MAN2A1: variants seen among roughly 807,000 people sequenced by gnomAD.
The protein encoded by MAN2A1 is mannosidase alpha class 2A member 1, also known as alpha-mannosidase 2.
A neutral mutation model predicts 142.6 loss-of-function variants in MAN2A1; 76 were observed. That is an observed-to-expected ratio of 0.53 (90% CI 0.44 to 0.65). MAN2A1 has a LOEUF of 0.65. Ranked by LOEUF, MAN2A1 falls within the 30% of genes least tolerant of loss-of-function variation. MAN2A1 has a pLI of 0.00. For synonymous variants in MAN2A1, 559 were observed against 473.2 expected, an observed-to-expected ratio of 1.18 and a Z score of -2.35; for missense variants, 1,311 against 1,365.1, an observed-to-expected ratio of 0.96 and a Z score of 0.62.
chr5:109,865,902 A>C (rs1350351009), intron 21 of MAN2A1, among the ~76,000 whole-genome samples: 1 of 152,216 alleles, frequency 6.6e-6, no homozygotes, highest in Non-Finnish European at 1.5e-5. Context: ...GGGCTGATTT[A>C]GGTACACAGG....
At chr5:109,734,387 G>C (rs9716397) in intron 4 of MAN2A1, among the ~76,000 whole-genome samples, 110,506 of 151,234 alleles carry the variant, frequency 0.73, 41,641 homozygotes, top group East Asian at 0.94. Context: ...CTGCTCTGAT[G>C]TTAGTTATTT....
chr5:109,695,572 C>G (rs1750789353), intron 1 of MAN2A1, among the ~76,000 whole-genome samples: 1 of 152,122 alleles, frequency 6.6e-6, no homozygotes, highest in Admixed American at 6.5e-5. Context: ...TTAGTTTTCC[C>G]TTGTTCTCCA....
intron 6 of MAN2A1, among the ~76,000 whole-genome samples, chr5:109,769,716 T>C (rs1753089448): frequency 6.6e-6 from 1 of 152,226 alleles, no homozygotes; most frequent in Non-Finnish European, 1.5e-5. Context: ...TTTTGAAAAT[T>C]ACTTTTTCTT....
chr5:109,833,693 GA>G (rs1200600050), intron 16 of MAN2A1, among the ~76,000 whole-genome samples: 39 of 149,460 alleles, frequency 2.6e-4, no homozygotes, highest in African/African-American at 9.2e-4. Flanking sequence ...AGACTGTGGG[GA>G]GGGGGAGGGG....
At chr5:109,832,964 G>C (rs1231082801) in intron 16 of MAN2A1, among the ~76,000 whole-genome samples, 1 of 151,834 alleles carries the variant, frequency 6.6e-6, no homozygotes, top group African/African-American at 2.4e-5. Context: ...GGTGGCGGTC[G>C]GGCACAGACA....
At chr5:109,705,475 C>G (rs1217561613) in intron 1 of MAN2A1, among the ~76,000 whole-genome samples, 4 of 152,160 alleles carry the variant, frequency 2.6e-5, no homozygotes, top group Admixed American at 1.3e-4. Context: ...CGGCCTCACC[C>G]TCCATTGCTT....
At chr5:109,768,702 C>G (rs1753058875) in intron 6 of MAN2A1, among the ~76,000 whole-genome samples, 1 of 152,068 alleles carries the variant, frequency 6.6e-6, no homozygotes, top group African/African-American at 2.4e-5. Flanking sequence ...CTTATATGTA[C>G]TCCTGTTTTT....
chr5:109,757,215 C>T (rs1206768606), intron 5 of MAN2A1, among the ~76,000 whole-genome samples: 19 of 152,002 alleles, frequency 1.2e-4, no homozygotes. Context: ...GTCTTGGGGA[C>T]CCTCTCTACA....
chr5:109,819,290 G>A (rs1406331545), intron 13 of MAN2A1, among the ~76,000 whole-genome samples: 1 of 152,072 alleles, frequency 6.6e-6, no homozygotes, highest in Non-Finnish European at 1.5e-5. Context: ...TTTGACTTAC[G>A]ATATTTTCAA....
chr5:109,748,388 T>C (rs2112616965), intron 4 of MAN2A1, among the ~76,000 whole-genome samples: 1 of 150,180 alleles, frequency 6.7e-6, no homozygotes, highest in East Asian at 1.9e-4. Flanking sequence ...AATATCTGCA[T>C]TGTATCTTTT....
intron 16 of MAN2A1, chr5:109,840,248 A>C: frequency 3.6e-6 from 1 of 275,038 alleles, no homozygotes; most frequent in South Asian, 4.2e-5. Flanking sequence ...CAGTCCTTCA[A>C]GCAATTTGAA....
chr5:109,847,004 C>A (rs2112763859), intron 18 of MAN2A1, among the ~76,000 whole-genome samples: 1 of 151,882 alleles, frequency 6.6e-6, no homozygotes, highest in South Asian at 2.1e-4. Context: ...TTGCTAAATT[C>A]AATTTTTTTT....
At chr5:109,787,937 G>A (rs1753636345) in intron 10 of MAN2A1, among the ~76,000 whole-genome samples, 1 of 151,850 alleles carries the variant, frequency 6.6e-6, no homozygotes, top group Admixed American at 6.6e-5. Flanking sequence ...GATTTGCCAT[G>A]TAAATGTATT....
intron 19 of MAN2A1, 54 bp from the exon 20 acceptor site, chr5:109,855,086 A>G (rs558574050): frequency 8.9e-6 from 8 of 899,948 alleles, no homozygotes; most frequent in Non-Finnish European, 1.3e-5. Context: ...TTCTGTTAAT[A>G]TGATGAGAAC....
chr5:109,753,556 A>G (rs1168996420), intron 4 of MAN2A1, among the ~76,000 whole-genome samples: 2 of 152,130 alleles, frequency 1.3e-5, no homozygotes, highest in East Asian at 1.9e-4. Context: ...TATTTCTTTA[A>G]TTTTTGCAGG....
chr5:109,817,199 TATCTAC>T, intron 12 of MAN2A1, 68 bp from the exon 13 acceptor site: 347 of 1,237,902 alleles, frequency 2.8e-4, no homozygotes, highest in Non-Finnish European at 3.8e-4. Flanking sequence ...TGTATATGTA[TATCTAC>T]ATGTATATGT....
intron 7 of MAN2A1, among the ~76,000 whole-genome samples, 163 bp from the exon 8 acceptor site, chr5:109,774,625 C>A (rs150176364): frequency 2.6e-5 from 4 of 152,078 alleles, no homozygotes; most frequent in African/African-American, 9.6e-5. Flanking sequence ...TTAAAAAAAT[C>A]TGTCTTTAAA....
chr5:109,721,359 A>G (rs566186026), intron 3 of MAN2A1, among the ~76,000 whole-genome samples: 84 of 152,252 alleles, frequency 5.5e-4, no homozygotes, highest in African/African-American at 1.9e-3. Context: ...ACTTTGGGTT[A>G]TTAATAGGGT....
chr5:109,814,082 T>A (rs1754390963), intron 12 of MAN2A1, among the ~76,000 whole-genome samples: 1 of 152,132 alleles, frequency 6.6e-6, no homozygotes, highest in African/African-American at 2.4e-5. Flanking sequence ...TGGACGTGAC[T>A]TGGTGACAGA....
Sources: gnomAD v4.1 joint callset for allele counts (sites outside exome capture counted in the v4.1 genomes callset) on GRCh38, gnomAD v4.1.1 for gene constraint, MANE v1.5 for transcripts, NCBI Gene and HGNC (gene_info 2026-07-23, HGNC 2026-07-21) for gene names.